CLIP2: variants seen among roughly 807,000 people sequenced by gnomAD.
The protein encoded by CLIP2 is CAP-Gly domain-containing linker protein 2.
CLIP2 carries 41 observed loss-of-function variants against 111.7 expected under a neutral mutation model. The ratio of observed to expected loss-of-function variants is 0.37; its 90% CI spans 0.29 to 0.48. CLIP2 has a LOEUF of 0.48. Ranked by LOEUF, CLIP2 falls within the 20% of genes least tolerant of loss-of-function variation. The pLI is 0.99. For missense variants in CLIP2, 1,160 were observed against 1,422.1 expected (o/e 0.82, Z 2.96); for synonymous variants, 660 against 644.2 (o/e 1.02, Z -0.37).
Position 74,386,559 on chromosome 7 carries a change from A to G in CLIP2, c.2518A>G (p.Thr840Ala). The G allele has an allele frequency of 2.5e-6, 4 of 1,611,398 alleles. No individual in the cohort carries two copies. Among genetic ancestry groups the G allele is most frequent in the Non-Finnish European group, 3.4e-6 (4 of 1,178,924 alleles). The stretch of plus-strand genomic sequence containing the variant: ...GCTGAACAAGAGGGACAAAGAGGTG[A>G]CAGCCTTGACCTCCCAGACCGAGAT... ...DKLNKRDKEV[T>A]ALTSQTEMLR... The change falls in exon 12 of 17, where the codon ACA becomes GCA. Residue 840 changes from threonine to alanine, a missense_variant. Thr to Ala is a moderately conservative substitution (Grantham distance 58). Transcript: ENST00000223398.
At chr7:74,301,605 T>G (rs1203478548) in intron 1 of CLIP2, among the ~76,000 whole-genome samples, 1 of 151,492 alleles carries the variant, frequency 6.6e-6, no homozygotes, top group African/African-American at 2.4e-5. Context: ...TTGGCCAGGC[T>G]GGTCTCAAAC....
At chr7:74,318,615 AG>A (rs1788855221) in intron 2 of CLIP2, among the ~76,000 whole-genome samples, 1 of 152,118 alleles carries the variant, frequency 6.6e-6, no homozygotes. Flanking sequence ...TGGGAGGCTA[AG>A]GCAGGAAAAT....
intron 7 of CLIP2, among the ~76,000 whole-genome samples, chr7:74,363,886 ACT>A (rs1479793036): frequency 1.5e-5 from 2 of 135,344 alleles, no homozygotes; most frequent in Non-Finnish European, 3.2e-5. Context: ...ACAGAGCGAG[ACT>A]CTGTCTCAAA....
intron 16 of CLIP2, among the ~76,000 whole-genome samples, chr7:74,403,056 C>CA (rs1257300525): frequency 0.023 from 3,114 of 136,224 alleles, 36 homozygotes; most frequent in Middle Eastern, 0.038. Context: ...ACTAAAAATA[C>CA]AAAAAAAAAA....
At chr7:74,301,334 G>T (rs1345417729) in intron 1 of CLIP2, among the ~76,000 whole-genome samples, 2 of 152,052 alleles carry the variant, frequency 1.3e-5, no homozygotes, top group Non-Finnish European at 2.9e-5. Flanking sequence ...TCTCATTGCT[G>T]TATGTTATTC....
intron 2 of CLIP2, among the ~76,000 whole-genome samples, chr7:74,325,597 C>G (rs904636718): frequency 2.0e-4 from 31 of 152,082 alleles, no homozygotes; most frequent in African/African-American, 7.2e-4. Context: ...TTTGAGAGGC[C>G]GACGCAGGTG....
intron 8 of CLIP2, among the ~76,000 whole-genome samples, chr7:74,372,593 T>TG (rs11463583): frequency 0.11 from 16,345 of 150,596 alleles, 2,050 homozygotes; most frequent in East Asian, 0.35. Flanking sequence ...GGTTGGGGGT[T>TG]GGGGGGGACA....
intron 2 of CLIP2, among the ~76,000 whole-genome samples, chr7:74,331,699 G>C (rs782691062): frequency 1.3e-5 from 2 of 149,704 alleles, no homozygotes; most frequent in Non-Finnish European, 3.0e-5. Context: ...TCAGCCTCCT[G>C]AGTAGCTGGG....
chr7:74,365,796 C>T (rs1474698342), intron 8 of CLIP2, among the ~76,000 whole-genome samples: 1 of 152,106 alleles, frequency 6.6e-6, no homozygotes, highest in African/African-American at 2.4e-5. Flanking sequence ...ACTCTGTTGC[C>T]CAGGCTGGAG....
At chr7:74,323,943 A>G (rs1584325871) in intron 2 of CLIP2, among the ~76,000 whole-genome samples, 2 of 152,246 alleles carry the variant, frequency 1.3e-5, no homozygotes, top group South Asian at 2.1e-4. Context: ...TAAGTGATGC[A>G]TGACTGTATT....
chr7:74,372,357 A>G (rs1790649869), intron 8 of CLIP2, among the ~76,000 whole-genome samples: 1 of 130,938 alleles, frequency 7.6e-6, no homozygotes, highest in Non-Finnish European at 1.5e-5. Flanking sequence ...TATATTTTGG[A>G]AACATCTTGC....
At chr7:74,319,785 C>T (rs1198261629) in intron 2 of CLIP2, among the ~76,000 whole-genome samples, 7 of 150,890 alleles carry the variant, frequency 4.6e-5, no homozygotes, top group Admixed American at 1.3e-4. Flanking sequence ...CACACCGCTG[C>T]ACTCCAGCCT....
At chr7:74,310,622 C>T (rs1427837580) in intron 1 of CLIP2, among the ~76,000 whole-genome samples, 2 of 152,100 alleles carry the variant, frequency 1.3e-5, no homozygotes, top group African/African-American at 2.4e-5. Context: ...ATGAGTAAAG[C>T]TGGTATGAAC....
chr7:74,299,721 G>A lies in CLIP2; in HGVS notation c.-68+9987G>A, dbSNP rs150679561. Among the ~76,000 whole-genome samples, 329 of 151,462 alleles carry A rather than the reference G, an allele frequency of 2.2e-3. 1 individual carries two copies. Among genetic ancestry groups the A allele is most frequent in the African/African-American group, 7.7e-3 (317 of 41,410 alleles). On this transcript the variant is annotated intron_variant, in intron 1 of 16. Transcript: ENST00000223398. ...TTCTTCTTCTTTTTTTTTTTGAGAC[G>A]GAGTTTCGCTCTTGTTGCCTAGGCT... is the stretch of plus-strand genomic sequence containing the variant.
At chr7:74,306,704 C>G (rs1285981912) in intron 1 of CLIP2, among the ~76,000 whole-genome samples, 1 of 152,182 alleles carries the variant, frequency 6.6e-6, no homozygotes, top group Non-Finnish European at 1.5e-5. Flanking sequence ...GCCACCCCGC[C>G]CTCGCCTGTC....
At chr7:74,356,260 A>T in intron 4 of CLIP2, 150 bp from the exon 5 acceptor site, 1 of 682,698 alleles carries the variant, frequency 1.5e-6, no homozygotes, top group Non-Finnish European at 2.6e-6. Context: ...CTCCACCTGG[A>T]AGATTTCCAC....
At chr7:74,395,679 TG>T (rs1791425420) in intron 13 of CLIP2, among the ~76,000 whole-genome samples, 3 of 152,206 alleles carry the variant, frequency 2.0e-5, no homozygotes. Context: ...AAGCCTTTCT[TG>T]ATTGATACAG....
chr7:74,293,378 C>G (rs559999726), intron 1 of CLIP2, among the ~76,000 whole-genome samples: 1 of 152,244 alleles, frequency 6.6e-6, no homozygotes, highest in Admixed American at 6.5e-5. Flanking sequence ...TCTCCTTCTC[C>G]TTTCCCCTAC....
intron 11 of CLIP2, among the ~76,000 whole-genome samples, chr7:74,381,363 A>G (rs1285354141): frequency 3.3e-5 from 5 of 151,706 alleles, no homozygotes; most frequent in Non-Finnish European, 7.4e-5. Flanking sequence ...TAATTTTTGT[A>G]TTTTTAGTAG....
Sources: gnomAD v4.1 joint callset for allele counts (sites outside exome capture counted in the v4.1 genomes callset) on GRCh38, gnomAD v4.1.1 for gene constraint, MANE v1.5 for transcripts, NCBI Gene and HGNC (gene_info 2026-07-23, HGNC 2026-07-21) for gene names.